Variants in SLC25A5 observed in about 807,000 individuals in gnomAD.
The protein encoded by SLC25A5 is ADP/ATP translocase 2.
In SLC25A5, 4 loss-of-function variants were observed where a neutral mutation model predicts 16.5. The ratio of observed to expected loss-of-function variants is 0.24; its 90% CI spans 0.12 to 0.56. SLC25A5 has a LOEUF of 0.56. SLC25A5 is among the 20% of genes least tolerant of loss of function. The pLI is 0.93. For synonymous variants in SLC25A5, 60 were observed against 95.2 expected (o/e 0.63, Z 2.15); for missense variants, 88 against 248.0 (o/e 0.35, Z 4.33).
intron 2 of SLC25A5, 55 bp downstream of exon 2, chrX:119,470,202 A>C: frequency 8.7e-7 from 1 of 1,152,413 alleles, no homozygotes; most frequent in Non-Finnish European, 1.2e-6. Flanking sequence ...TTAAAAGAGC[A>C]TTGTACCAAC....
In SLC25A5 at chrX:119,470,151, A is replaced by G. The variant is rs773733088; in HGVS notation, c.598+4A>G. 5 of 1,118,974 alleles carry G rather than the reference A, an allele frequency of 4.5e-6. No homozygotes were observed. The highest frequency in any genetic ancestry group is 2.4e-6 in the Non-Finnish European group (2 of 848,288). The allele number at this position is 1,118,974 out of a possible 1,213,427, so 92.2% of individuals were successfully genotyped here. A position where few individuals can be genotyped will look rare whatever the true frequency, so the allele number is the denominator to read the frequency against. ...GGTATCTATGACACTGCAAAGGGTA[A>G]GTTTGCTGTGGGCTTTAACGTTGTG... On this transcript the variant is annotated splice_donor_region_variant and intron_variant, in intron 2 of 3. Coordinates refer to ENST00000317881, the MANE Select transcript of SLC25A5 (RefSeq NM_001152.5).
At position 119,471,056 on chromosome X, in the gene SLC25A5, T is replaced by G. The variant is rs1453559456; in HGVS notation, c.895T>G (p.Ter299GluextTer4). Reference sequence around the variant, plus strand: ...GTATGATGAAATCAAGAAGTACACATAAGTTATTTCCTAGGATTTTTCCCC... The same window carrying G: ...GTATGATGAAATCAAGAAGTACACAGAAGTTATTTCCTAGGATTTTTCCCC... ...VLYDEIKKYT[*>E] The change falls in exon 4 of 4, where the codon TAA (stop) becomes GAA (glutamate). Residue 299 changes from the stop codon to glutamate, a stop_lost. Coordinates refer to ENST00000317881, the MANE Select transcript of SLC25A5 (RefSeq NM_001152.5). 1 of 1,206,692 alleles carries G rather than the reference T, an allele frequency of 8.3e-7. No homozygotes were observed. The highest frequency in any genetic ancestry group is 3.0e-5 in the East Asian group (1 of 33,851).
Position 119,468,450 on chromosome X carries a change from A to G in SLC25A5, c.-66A>G, listed in dbSNP as rs1457447892. The G allele has an allele frequency of 2.0e-6, 2 of 977,806 alleles. No homozygotes were observed. The highest frequency in any genetic ancestry group is 2.9e-6 in the Non-Finnish European group (2 of 692,335). The allele number at this position is 977,806 out of a possible 1,213,427, so 80.6% of individuals were successfully genotyped here. The stretch of plus-strand genomic sequence containing the variant: ...GGCCATTTGCTTCGCTCCGCCCCGC[A>G]GCGCCGGAGTCAAAGCCGGTTCCCG... On this transcript the variant is annotated 5_prime_UTR_variant, in exon 1 of 4. Coordinates refer to ENST00000317881, the MANE Select transcript of SLC25A5 (RefSeq NM_001152.5).
intron 2 of SLC25A5, 59 bp from the exon 3 acceptor site, chrX:119,470,314 G>C: frequency 8.5e-7 from 1 of 1,171,867 alleles, no homozygotes; most frequent in Non-Finnish European, 1.2e-6. Flanking sequence ...AGGGGATGTG[G>C]GGAAAGGAAG....
intron 3 of SLC25A5, 23 bp from the exon 4 acceptor site, chrX:119,470,878 C>A: frequency 8.3e-7 from 1 of 1,199,608 alleles, no homozygotes. Context: ...CAGTCACTAA[C>A]TCCATGTCTT....
At position 119,470,998 on chromosome X, in the gene SLC25A5, C is replaced by T. The variant is rs761774927; in HGVS notation, c.837C>T (p.Leu279=). 3.3e-6 allele frequency: 4 copies of T among 1,212,095 alleles called. No homozygotes were observed. In the South Asian group the frequency reaches 5.3e-5, roughly 16 times the overall value. The change falls in exon 4 of 4, where the codon CTC becomes CTT. Residue 279 remains leucine (L), a synonymous_variant. Coordinates refer to ENST00000317881, the MANE Select transcript of SLC25A5 (RefSeq NM_001152.5). ...TCAAGGGTGCATGGTCCAATGTTCT[C>T]AGAGGCATGGGTGGTGCTTTTGTGC... is the stretch of plus-strand genomic sequence containing the variant. The part of the protein sequence containing the change: ...AFFKGAWSNV[L]RGMGGAFVLV...
intron 1 of SLC25A5, 169 bp from the exon 2 acceptor site, chrX:119,469,492 C>T: frequency 1.9e-6 from 1 of 533,908 alleles, no homozygotes; most frequent in Non-Finnish European, 3.1e-6. Flanking sequence ...ACCTCTTCCC[C>T]TGTGACAGCC....
intron 1 of SLC25A5, chrX:119,469,019 G>A (rs1047180077): frequency 1.5e-5 from 2 of 129,796 alleles, no homozygotes; most frequent in African/African-American, 6.3e-5. Context: ...ATAACTGCCC[G>A]GGGGAGGCCA....
At position 119,471,273 on chromosome X, in the gene SLC25A5, C is replaced by T. The variant is rs1202191019; in HGVS notation, c.*215C>T. On this transcript the variant is annotated 3_prime_UTR_variant, in exon 4 of 4. Transcript: ENST00000317881. ...TCAATTGTATTTTTTATTTCAGTCA[C>T]TCCTGATAAATAACAAATTTGGAGA... The T allele has an allele frequency of 3.5e-6, 1 of 289,373 alleles. No homozygotes were observed. The highest frequency in any genetic ancestry group is 6.0e-6 in the Non-Finnish European group (1 of 165,429). 23.8% of individuals were successfully genotyped at this position (289,373 alleles called of 1,213,427 possible).
intron 3 of SLC25A5, 118 bp from the exon 4 acceptor site, chrX:119,470,783 G>A: frequency 1.2e-6 from 1 of 813,637 alleles, no homozygotes; most frequent in Non-Finnish European, 1.8e-6. Context: ...GCTAATGTGT[G>A]AATGTTGGAT....
In SLC25A5 at chrX:119,470,986, G is replaced by A. The variant is rs1231861989; in HGVS notation, c.825G>A (p.Trp275Ter). ...GCAAAGCTTTTTTCAAGGGTGCATG[G>A]TCCAATGTTCTCAGAGGCATGGGTG... Reference protein sequence around the residue: ...EGGKAFFKGAWSNVLRGMGGA... With the variant: ...EGGKAFFKGA Residue 275 changes from tryptophan (W) to a stop codon, truncating the protein, a stop_gained, in exon 4 of 4, where the codon TGG (tryptophan) becomes TGA (stop). Transcript: ENST00000317881. LOFTEE classifies it high-confidence loss of function. The A allele has an allele frequency of 8.2e-7, 1 of 1,212,555 alleles. No individual in the cohort carries two copies. Among genetic ancestry groups the A allele is most frequent in the Non-Finnish European group, 1.1e-6 (1 of 895,300 alleles).
intron 1 of SLC25A5, chrX:119,469,027 C>T (rs2069051607): frequency 7.9e-6 from 1 of 125,905 alleles, no homozygotes. Context: ...CCGGGGGAGG[C>T]CATGCGCCCG....
chrX:119,470,385 A>G lies in SLC25A5; in HGVS notation c.611A>G (p.Asp204Gly). The change falls in exon 3 of 4, where the codon GAT becomes GGT. Residue 204 changes from aspartate (D) to glycine (G), a missense_variant. Coordinates refer to ENST00000317881, the MANE Select transcript of SLC25A5 (RefSeq NM_001152.5). ...IYDTAKGMLP[D>G]PKNTHIVISW... is the part of the protein sequence containing the mutation. ...TTCCTATTCCCAGGAATGCTTCCGG[A>G]TCCCAAGAACACTCACATCGTCATC... 2 of 1,212,044 alleles carry G rather than the reference A, an allele frequency of 1.7e-6. No homozygotes were observed. The highest frequency in any genetic ancestry group is 2.2e-6 in the Non-Finnish European group (2 of 895,387).
Position 119,470,565 on chromosome X carries a change from GC to G in SLC25A5, c.739+54del, listed in dbSNP as rs758078374. ...AGTTGTAGTCGTGGGGCAATCTGCT[GC>G]CACAAACTGGTGATACATACCTTTA... On this transcript the variant is annotated intron_variant, in intron 3 of 3. Transcript: ENST00000317881. 3.5e-6 allele frequency: 4 copies of G among 1,137,836 alleles called. No individual in the cohort carries two copies. In the South Asian group the frequency reaches 7.7e-5, roughly 22 times the overall value. The allele number at this position is 1,137,836 out of a possible 1,213,427, so 93.8% of individuals were successfully genotyped here.
rs1343329385 is a variant in SLC25A5 at position 119,468,759 on chromosome X, G to A, written c.111+133G>A. On this transcript the variant is annotated intron_variant, in intron 1 of 3. Transcript: ENST00000317881. ...AAGCGGCTTAGGAGAGGCCAGAGCG[G>A]GGCGCAGAGGCAGAACAGAAGTCAA... 8 of 531,230 alleles carry A rather than the reference G, an allele frequency of 1.5e-5. No individual in the cohort carries two copies. The Admixed American group carries it at 2.4e-4, about 16-fold the overall frequency. 43.8% of individuals were successfully genotyped at this position (531,230 alleles called of 1,213,427 possible). A position where few individuals can be genotyped will look rare whatever the true frequency, so the allele number is the denominator to read the frequency against.
Position 119,471,331 on chromosome X carries a change from G to T in SLC25A5, c.*273G>T. 1 of 131,739 alleles carries T rather than the reference G, an allele frequency of 7.6e-6. No individual in the cohort carries two copies. Among genetic ancestry groups the T allele is most frequent in the Non-Finnish European group, 1.2e-5 (1 of 81,337 alleles). The allele number at this position is 131,739 out of a possible 1,213,427, so 10.9% of individuals were successfully genotyped here. The stretch of plus-strand genomic sequence containing the variant: ...ATATCTAAAATAAATTTTGTCTGCA[G>T]TATATTTTCATATAAAAATGCATAT... On this transcript the variant is annotated 3_prime_UTR_variant, in exon 4 of 4. Transcript: ENST00000317881.
At position 119,471,057 on chromosome X, in the gene SLC25A5, A is replaced by C; in HGVS notation, c.896A>C (p.Ter299SerextTer4). 4 of 1,205,649 alleles carry C rather than the reference A, an allele frequency of 3.3e-6. No homozygotes were observed. Among genetic ancestry groups the C allele is most frequent in the Non-Finnish European group, 4.5e-6 (4 of 892,158 alleles). The change falls in exon 4 of 4, where the codon TAA becomes TCA. Residue 299 changes from the stop codon to serine, a stop_lost. Coordinates refer to ENST00000317881, the MANE Select transcript of SLC25A5 (RefSeq NM_001152.5). ...TATGATGAAATCAAGAAGTACACAT[A>C]AGTTATTTCCTAGGATTTTTCCCCC... ...VLYDEIKKYT* is the reference protein window; with the variant it reads ...VLYDEIKKYTS
intron 1 of SLC25A5, chrX:119,468,914 T>G: frequency 3.2e-6 from 1 of 309,681 alleles, no homozygotes; most frequent in Non-Finnish European, 5.7e-6. Context: ...AGTGACGGCC[T>G]CCCCGGGCCT....
rs755813427 is a variant in SLC25A5, at chrX:119,468,675, G to A, written c.111+49G>A. 3.7e-6 allele frequency: 4 copies of A among 1,074,893 alleles called. No individual in the cohort carries two copies. In the African/African-American group the frequency reaches 7.2e-5, roughly 19 times the overall value. The allele number at this position is 1,074,893 out of a possible 1,213,427, so 88.6% of individuals were successfully genotyped here. On this transcript the variant is annotated intron_variant, in intron 1 of 3. Transcript: ENST00000317881. ...CAACCAGGAAGTGGGGGGAAGGGTC[G>A]CACAGAAGGCGGGCGCCCGAGGGGT...
Sources: allele counts gnomAD v4.1 joint callset, GRCh38; gene constraint gnomAD v4.1.1; transcripts MANE v1.5; gene names NCBI Gene and HGNC (gene_info 2026-07-23, HGNC 2026-07-21).